Variants in PCGF3 observed in about 807,000 individuals in gnomAD.
The protein encoded by PCGF3 is polycomb group ring finger 3.
A neutral mutation model predicts 33.1 loss-of-function variants in PCGF3; 7 were observed. The ratio of observed to expected loss-of-function variants is 0.21; its 90% CI spans 0.12 to 0.40. The LOEUF (loss-of-function observed/expected upper bound fraction) is 0.40. Ranked by LOEUF, PCGF3 falls within the 10% of genes least tolerant of loss-of-function variation. The probability of loss-of-function intolerance (pLI) is 1.00; values close to 1 mark genes in which losing one functional copy is unlikely to be tolerated. For synonymous variants in PCGF3, 153 were observed against 121.3 expected, an observed-to-expected ratio of 1.26 and a Z score of -1.72; for missense variants, 211 against 313.3, an observed-to-expected ratio of 0.67 and a Z score of 2.46.
chr4:761,550 C>G lies in PCGF3; in HGVS notation c.600+134C>G, dbSNP rs967566731. On this transcript the variant is annotated intron_variant, in intron 9 of 10. Transcript: ENST00000362003. ...TTTAACCAGAAAAAAATCCGTTTTG[C>G]CTGCTTCACCGGGGAGCGGGATAGG... The G allele has an allele frequency of 2.9e-5, 40 of 1,388,546 alleles. 2 individuals carry two copies. The highest frequency in any genetic ancestry group is 5.0e-5 in the Admixed American group (2 of 39,658). The allele number at this position is 1,388,546 out of a possible 1,614,324, so 86.0% of individuals were successfully genotyped here.
At chr4:736,043 TTC>T (rs1188774233) in intron 5 of PCGF3, among the ~76,000 whole-genome samples, 43 of 152,078 alleles carry the variant, frequency 2.8e-4, no homozygotes, top group African/African-American at 8.9e-4. Context: ...ATTATTATTT[TTC>T]TTAATTTTAT....
intron 4 of PCGF3, 56 bp downstream of exon 4, chr4:733,845 C>T (rs1312639034): frequency 2.5e-6 from 4 of 1,612,964 alleles, no homozygotes; most frequent in East Asian, 2.2e-5. Context: ...GCTCTGTGCT[C>T]TTCAGAACCT....
intron 6 of PCGF3, among the ~76,000 whole-genome samples, chr4:740,893 G>A (rs1289004098): frequency 3.3e-5 from 5 of 152,188 alleles, no homozygotes; most frequent in Non-Finnish European, 5.9e-5. Context: ...GCTTTGGGCA[G>A]CCCTCTGCAC....
chr4:728,485 G>T (rs576059662), intron 1 of PCGF3, among the ~76,000 whole-genome samples: 23 of 152,150 alleles, frequency 1.5e-4, no homozygotes, highest in Non-Finnish European at 2.5e-4. Flanking sequence ...GAGCGCGTTG[G>T]GGGGCAGCGT....
chr4:760,071 C>A (rs574362891), intron 8 of PCGF3, among the ~76,000 whole-genome samples: 100 of 152,334 alleles, frequency 6.6e-4, no homozygotes, highest in African/African-American at 2.2e-3. Flanking sequence ...AAGGATGTCT[C>A]TTGCTTTTTG....
chr4:762,100 C>T (rs1325071316), intron 9 of PCGF3: 58 of 985,076 alleles, frequency 5.9e-5, no homozygotes, highest in Non-Finnish European at 6.9e-5. Context: ...TCTGTAGCAG[C>T]AGTGGACTCA....
chr4:734,626 G>A (rs775815483), intron 4 of PCGF3: 2 of 1,235,614 alleles, frequency 1.6e-6, no homozygotes, highest in Non-Finnish European at 2.0e-6. Context: ...TTTAGCCCAT[G>A]TTCTGATGAC....
chr4:718,305 C>T (rs1181428797), intron 1 of PCGF3, among the ~76,000 whole-genome samples: 1 of 151,976 alleles, frequency 6.6e-6, no homozygotes, highest in African/African-American at 2.4e-5. Context: ...CTGAAGCGCC[C>T]CCGAGCTCCC....
rs547744527 is a variant in PCGF3 at position 711,158 on chromosome 4, G to T, written c.-190+5188G>T. ...CTTCCGGTTCTGGGCTGGAGCTAGG[G>T]CCGGGAAGGGGGCCTGTTCTGGACT... On this transcript the variant is annotated intron_variant, in intron 1 of 10. Transcript: ENST00000362003. Among the ~76,000 whole-genome samples, 6 of 152,338 alleles carry T rather than the reference G, an allele frequency of 3.9e-5. No homozygotes were observed. The South Asian group carries it at 1.0e-3, about 26-fold the overall frequency.
exon 11 of PCGF3, chr4:767,314 A>AC (rs1047818177): frequency 6.8e-6 from 1 of 146,938 alleles, no homozygotes; most frequent in Admixed American, 6.8e-5. Context: ...CCACACACAC[A>AC]TTTTTTTTTT....
intron 4 of PCGF3, chr4:734,042 C>T (rs1743732351): frequency 6.4e-7 from 1 of 1,550,698 alleles, no homozygotes. Context: ...ACATTCCTCC[C>T]ACGGAGCAGC....
At chr4:735,688 A>G (rs1466967276) in intron 5 of PCGF3, among the ~76,000 whole-genome samples, 3 of 152,242 alleles carry the variant, frequency 2.0e-5, no homozygotes, top group Non-Finnish European at 2.9e-5. Flanking sequence ...CCTTTCTGCC[A>G]TGGAGCAGAT....
chr4:717,725 G>A, intron 1 of PCGF3, among the ~76,000 whole-genome samples: 1 of 152,358 alleles, frequency 6.6e-6, no homozygotes, highest in Admixed American at 6.5e-5. Flanking sequence ...ATACTGAGAT[G>A]ACATTGAGAA....
At chr4:726,727 CT>C (rs887955275) in intron 1 of PCGF3, among the ~76,000 whole-genome samples, 7 of 149,910 alleles carry the variant, frequency 4.7e-5, no homozygotes, top group African/African-American at 1.2e-4. Context: ...GACAGTTTGG[CT>C]TTTTTTTTTC....
intron 8 of PCGF3, among the ~76,000 whole-genome samples, chr4:758,459 G>C (rs1365660952): frequency 8.6e-6 from 1 of 116,844 alleles, no homozygotes; most frequent in Non-Finnish European, 1.7e-5. Context: ...TCCGGACTCC[G>C]GGTCTTTCTT....
intron 6 of PCGF3, among the ~76,000 whole-genome samples, chr4:740,114 T>C (rs527344308): frequency 6.6e-6 from 1 of 152,246 alleles, no homozygotes; most frequent in Non-Finnish European, 1.5e-5. Flanking sequence ...CAAACCTCAT[T>C]TCTCCGACCA....
At chr4:731,584 C>CGG (rs1743565985) in intron 3 of PCGF3, among the ~76,000 whole-genome samples, 7 of 90,518 alleles carry the variant, frequency 7.7e-5, no homozygotes, top group South Asian at 4.9e-4. Flanking sequence ...GCGTGGTCCT[C>CGG]GGGCATAGGG....
intron 3 of PCGF3, among the ~76,000 whole-genome samples, chr4:731,664 T>C (rs1260735823): frequency 4.5e-5 from 2 of 44,880 alleles, no homozygotes. Flanking sequence ...CCGCCCCTCG[T>C]GGGTGGGCGT....
At position 744,707 on chromosome 4, in the gene PCGF3, TCGCTGC is replaced by T. The variant is rs1744240317; in HGVS notation, c.462+20_462+25del. On this transcript the variant is annotated intron_variant, in intron 8 of 10. Coordinates refer to ENST00000362003, the Ensembl canonical transcript of PCGF3. ...CGAGCAGGTGGGCGGGGCCCGGGGG[TCGCTGC>T]AGTGTTAGTGTTCGCCGTGGAGGCG... The T allele has an allele frequency of 1.4e-6, 2 of 1,425,846 alleles. No individual in the cohort carries two copies. Among genetic ancestry groups the T allele is most frequent in the Non-Finnish European group, 1.9e-6 (2 of 1,047,560 alleles). 88.3% of individuals were successfully genotyped at this position (1,425,846 alleles called of 1,614,324 possible). A position where few individuals can be genotyped will look rare whatever the true frequency, so the allele number is the denominator to read the frequency against.
Sources: gnomAD v4.1 joint callset for allele counts (sites outside exome capture counted in the v4.1 genomes callset) on GRCh38, gnomAD v4.1.1 for gene constraint, MANE v1.5 for transcripts, NCBI Gene and HGNC (gene_info 2026-07-23, HGNC 2026-07-21) for gene names.